Variants in STXBP4 observed in about 807,000 individuals in gnomAD.
STXBP4 encodes the protein syntaxin binding protein 4, also known as syntaxin-binding protein 4.
STXBP4 carries 55 observed loss-of-function variants against 76.1 expected under a neutral mutation model. That is an observed-to-expected ratio of 0.72 (90% CI 0.58 to 0.91). The LOEUF (loss-of-function observed/expected upper bound fraction) is 0.91. Among genes scored for constraint, STXBP4 ranks in the 40% least tolerant of loss-of-function variants. STXBP4 has a pLI of 0.00. For missense variants in STXBP4, 618 were observed against 636.9 expected (o/e 0.97, Z 0.32); for synonymous variants, 201 against 220.2 (o/e 0.91, Z 0.77).
At chr17:55,068,417 A>C (rs2079079710) in intron 12 of STXBP4, among the ~76,000 whole-genome samples, 2 of 152,174 alleles carry the variant, frequency 1.3e-5, no homozygotes, top group African/African-American at 4.8e-5. Flanking sequence ...CTAATTACAG[A>C]TGTGCTACTG....
At chr17:55,146,204 G>T (rs1310977511) in intron 17 of STXBP4, among the ~76,000 whole-genome samples, 2 of 152,068 alleles carry the variant, frequency 1.3e-5, no homozygotes, top group Non-Finnish European at 2.9e-5. Context: ...TCTTTCTGTT[G>T]ATTCAGATTT....
At chr17:55,052,841 A>G (rs1598268614) in intron 12 of STXBP4, among the ~76,000 whole-genome samples, 1 of 149,878 alleles carries the variant, frequency 6.7e-6, no homozygotes, top group East Asian at 2.0e-4. Context: ...GAATCTAACC[A>G]TGAAGAGATG....
chr17:55,140,791 T>G (rs918259766), intron 16 of STXBP4, among the ~76,000 whole-genome samples: 1 of 152,186 alleles, frequency 6.6e-6, no homozygotes, highest in Non-Finnish European at 1.5e-5. Context: ...AATGCCACAA[T>G]CCATTGTAAA....
At chr17:55,118,812 T>A (rs2079811575) in intron 16 of STXBP4, among the ~76,000 whole-genome samples, 1 of 151,716 alleles carries the variant, frequency 6.6e-6, no homozygotes, top group African/African-American at 2.4e-5. Context: ...ATACATGTGC[T>A]TTTCAGTAGT....
the STXBP4 span, among the ~76,000 whole-genome samples, chr17:55,185,178 T>G: frequency 6.7e-6 from 1 of 150,212 alleles, no homozygotes; most frequent in African/African-American, 2.5e-5. Flanking sequence ...CACTATTTTC[T>G]TCTTCTTCTT....
At position 54,976,779 on chromosome 17, in the gene STXBP4, G is replaced by A. The variant is rs2077479873; in HGVS notation, c.-157+7964G>A. Among the ~76,000 whole-genome samples the A allele has an allele frequency of 2.0e-5, 3 of 152,266 alleles. No homozygotes were observed. In the South Asian group the frequency reaches 6.2e-4, roughly 32 times the overall value. On this transcript the variant is annotated intron_variant, in intron 1 of 17. Coordinates refer to ENST00000376352, the MANE Select transcript of STXBP4 (RefSeq NM_178509.6). Reference sequence around the variant, plus strand: ...TCCTTATGAGAATCTAATGCCTGATGATCTAAGGTGGAACAGTTTCATCTG... The same window carrying A: ...TCCTTATGAGAATCTAATGCCTGATAATCTAAGGTGGAACAGTTTCATCTG...
the STXBP4 span, among the ~76,000 whole-genome samples, chr17:55,212,974 A>C: frequency 4.6e-5 from 7 of 152,110 alleles, no homozygotes; most frequent in African/African-American, 1.7e-4. Context: ...CTTGCTTCTC[A>C]AGTCAAGTGA....
chr17:54,976,970 A>AT (rs1383163482), intron 1 of STXBP4, among the ~76,000 whole-genome samples: 4 of 151,710 alleles, frequency 2.6e-5, no homozygotes, highest in African/African-American at 7.3e-5. Context: ...ACATACTTAC[A>AT]TTTTTTCCCT....
chr17:54,981,578 T>A (rs1026919554), intron 1 of STXBP4, among the ~76,000 whole-genome samples: 28 of 152,194 alleles, frequency 1.8e-4, no homozygotes, highest in African/African-American at 6.5e-4. Context: ...TCCAAATGGA[T>A]CAAATATTTA....
intron 8 of STXBP4, among the ~76,000 whole-genome samples, chr17:55,010,624 T>C (rs1376468989): frequency 1.3e-5 from 2 of 152,132 alleles, no homozygotes; most frequent in Non-Finnish European, 2.9e-5. Flanking sequence ...ATATCGTACC[T>C]CTGCATTATC....
intron 10 of STXBP4, among the ~76,000 whole-genome samples, chr17:55,036,212 G>A (rs1469646477): frequency 6.6e-6 from 1 of 151,846 alleles, no homozygotes; most frequent in East Asian, 1.9e-4. Context: ...CTAATCTTCA[G>A]TCTTATCTTG....
rs2080386502 is a variant in STXBP4, at chr17:55,168,183, C to A, written c.*8272C>A. The A allele has an allele frequency of 6.6e-6, 1 of 151,764 alleles. No homozygotes were observed. Among genetic ancestry groups the A allele is most frequent in the African/African-American group, 2.4e-5 (1 of 41,286 alleles). 9.4% of individuals were successfully genotyped at this position (151,764 alleles called of 1,614,324 possible). On this transcript the variant is annotated 3_prime_UTR_variant, in exon 18 of 18. Transcript: ENST00000376352. ...GAAATAGAATGCATACATACACACACATACACTTAGTATATGTGTGTGTGT... is the reference window on the plus strand; with the variant it reads ...GAAATAGAATGCATACATACACACAAATACACTTAGTATATGTGTGTGTGT...
In STXBP4 at chr17:55,052,943, GT is replaced by G. The variant is rs1567739276; in HGVS notation, c.1011+5790del. Among the ~76,000 whole-genome samples, 86 of 142,952 alleles carry G rather than the reference GT, an allele frequency of 6.0e-4. 3 individuals are homozygous for G. The South Asian group carries it at 0.02, about 32-fold the overall frequency. 93.8% of individuals were successfully genotyped at this position (142,952 alleles called of 152,430 possible). On this transcript the variant is annotated intron_variant, in intron 12 of 17. Coordinates refer to ENST00000376352, the MANE Select transcript of STXBP4 (RefSeq NM_178509.6). ...TGTGTGTGTGTGTGTGTGTGTGTGT[GT>G]GTGTGTGGGTTGTATTCTTTAGAAA...
chr17:55,002,250 T>A (rs2077933760), intron 7 of STXBP4, among the ~76,000 whole-genome samples: 1 of 152,120 alleles, frequency 6.6e-6, no homozygotes, highest in Non-Finnish European at 1.5e-5. Flanking sequence ...TATAAAATAT[T>A]AATAATTATA....
chr17:55,063,171 T>G (rs1049127079), intron 12 of STXBP4, among the ~76,000 whole-genome samples: 1 of 152,208 alleles, frequency 6.6e-6, no homozygotes, highest in Non-Finnish European at 1.5e-5. Context: ...TACCTAGTGA[T>G]TCATTAGAGG....
At chr17:55,084,786 A>T (rs1275777235) in intron 16 of STXBP4, among the ~76,000 whole-genome samples, 3 of 152,256 alleles carry the variant, frequency 2.0e-5, no homozygotes, top group Admixed American at 1.3e-4. Context: ...AAGATCAGAT[A>T]GTTGTAGATA....
intron 16 of STXBP4, among the ~76,000 whole-genome samples, chr17:55,097,598 G>A (rs1412139002): frequency 6.6e-6 from 1 of 151,620 alleles, no homozygotes; most frequent in Admixed American, 6.6e-5. Context: ...GGGAGGCGGA[G>A]CTTGCAATGA....
intron 16 of STXBP4, among the ~76,000 whole-genome samples, chr17:55,089,240 T>C (rs1323752198): frequency 2.0e-5 from 3 of 152,226 alleles, no homozygotes; most frequent in African/African-American, 7.2e-5. Context: ...CTACTGCTGG[T>C]GCCACATTAT....
At chr17:55,099,396 C>A (rs2079536359) in intron 16 of STXBP4, among the ~76,000 whole-genome samples, 1 of 152,190 alleles carries the variant, frequency 6.6e-6, no homozygotes. Context: ...TGTATTCAAA[C>A]AAACCTAGGT....
Sources: gnomAD v4.1 joint callset for allele counts (sites outside exome capture counted in the v4.1 genomes callset) on GRCh38, gnomAD v4.1.1 for gene constraint, MANE v1.5 for transcripts, NCBI Gene and HGNC (gene_info 2026-07-23, HGNC 2026-07-21) for gene names.